Variants in LONP2 observed in about 807,000 individuals in gnomAD.
The protein encoded by LONP2 is lon protease homolog 2, peroxisomal.
LONP2 carries 60 observed loss-of-function variants against 85.6 expected under a neutral mutation model. That is an observed-to-expected ratio of 0.70 (90% confidence interval 0.57 to 0.87). The LOEUF is 0.87. Among genes scored for constraint, LONP2 ranks in the 40% least tolerant of loss-of-function variants. LONP2 has a pLI of 0.00. For synonymous variants in LONP2, 395 were observed against 389.7 expected, an observed-to-expected ratio of 1.01 and a Z score of -0.16; for missense variants, 860 against 1,063.5, an observed-to-expected ratio of 0.81 and a Z score of 2.66.
chr16:48,347,838 T>C (rs1960018228), intron 13 of LONP2, 124 bp downstream of exon 13: 4 of 931,518 alleles, frequency 4.3e-6, no homozygotes, highest in Non-Finnish European at 4.8e-6. Flanking sequence ...TTTGAACCCC[T>C]GTGGAAATCC....
At chr16:48,323,511 C>A (rs949926254) in intron 11 of LONP2, among the ~76,000 whole-genome samples, 4 of 151,966 alleles carry the variant, frequency 2.6e-5, no homozygotes, top group Non-Finnish European at 4.4e-5. Flanking sequence ...AAAAAATTAG[C>A]CAGGTGTGGT....
rs1403838183 is a variant in LONP2, at chr16:48,313,914, C to T, written c.1795+10609C>T. 2.6e-5 allele frequency among the ~76,000 whole-genome samples: 4 copies of T among 152,236 alleles called. No homozygotes were observed. In the East Asian group the frequency reaches 5.8e-4, roughly 22 times the overall value. On this transcript the variant is annotated intron_variant, in intron 11 of 14. Transcript: ENST00000285737. ...TTCCACAATGGTTGAACTAATTAAA[C>T]TCCCACCAACAGTGTAAAAGCATTC...
intron 7 of LONP2, among the ~76,000 whole-genome samples, chr16:48,273,776 ATATAT>A (rs1972151457): frequency 6.6e-6 from 1 of 152,158 alleles, no homozygotes. Context: ...AAAAGAAATA[ATATAT>A]TATTGTTATG....
intron 8 of LONP2, among the ~76,000 whole-genome samples, chr16:48,290,459 G>A (rs1972537085): frequency 6.6e-6 from 1 of 152,090 alleles, no homozygotes; most frequent in Admixed American, 6.6e-5. Flanking sequence ...CCACAAGACT[G>A]CCTCCCCCTT....
At chr16:48,278,286 T>C (rs899818334) in intron 8 of LONP2, among the ~76,000 whole-genome samples, 2 of 152,208 alleles carry the variant, frequency 1.3e-5, no homozygotes, top group Non-Finnish European at 1.5e-5. Context: ...TTTTATCTTC[T>C]TAAGCGTCCG....
rs146324734 is a variant in LONP2, at chr16:48,276,508, G to A, written c.1242-830G>A. ...TAAAATTAGTAAATTGCTGCTTTAA[G>A]TTTTGCTGGCTTTGTAAAAAAGACA... is the stretch of plus-strand genomic sequence containing the variant. On this transcript the variant is annotated intron_variant, in intron 7 of 14. Transcript: ENST00000285737. Among the ~76,000 whole-genome samples the A allele has an allele frequency of 6.1e-3, 922 of 152,274 alleles. 12 individuals are homozygous for A. Among genetic ancestry groups the A allele is most frequent in the African/African-American group, 0.021 (893 of 41,550 alleles).
intron 8 of LONP2, 88 bp downstream of exon 8, chr16:48,277,567 G>T (rs1467417905): frequency 8.5e-6 from 11 of 1,288,252 alleles, no homozygotes; most frequent in Non-Finnish European, 1.2e-5. Flanking sequence ...ATACACAGTG[G>T]TGTAGCTTTA....
chr16:48,355,507 C>G lies in LONP2; in HGVS notation c.*3705C>G, dbSNP rs192710636. ...AATAAATTCGTACTTTTAAATTACC[C>G]AGTCTCAGGTATTCTGTTACGGTTA... On this transcript the variant is annotated 3_prime_UTR_variant, in exon 15 of 15. Coordinates refer to ENST00000285737, the MANE Select transcript of LONP2 (RefSeq NM_031490.5). 6.8e-4 allele frequency: 103 copies of G among 152,286 alleles called. No homozygotes were observed. Among genetic ancestry groups the G allele is most frequent in the African/African-American group, 2.5e-3 (102 of 41,552 alleles). 9.4% of individuals were successfully genotyped at this position (152,286 alleles called of 1,614,324 possible). A position where few individuals can be genotyped will look rare whatever the true frequency, so the allele number is the denominator to read the frequency against.
At chr16:48,351,409 G>T (rs911754168) in intron 14 of LONP2, among the ~76,000 whole-genome samples, 172 bp from the exon 15 acceptor site, 1 of 152,092 alleles carries the variant, frequency 6.6e-6, no homozygotes, top group Non-Finnish European at 1.5e-5. Flanking sequence ...TTAAAAAAAG[G>T]TTACTACTTA....
intron 12 of LONP2, chr16:48,334,579 C>G (rs13338978): frequency 0.16 from 109,905 of 672,946 alleles, 11,048 homozygotes; most frequent in African/African-American, 0.36. Context: ...ACATCATCTT[C>G]TTGCAGTTGT....
chr16:48,321,708 A>C (rs1407436593), intron 11 of LONP2, among the ~76,000 whole-genome samples: 1 of 152,206 alleles, frequency 6.6e-6, no homozygotes, highest in Non-Finnish European at 1.5e-5. Context: ...ATTATAACAG[A>C]GTGGTATTTG....
chr16:48,360,970 G>A (rs138768421), downstream of LONP2: 36 of 151,926 alleles, frequency 2.4e-4, no homozygotes, highest in Admixed American at 7.9e-4. Flanking sequence ...TATTGAACAC[G>A]TTATAAATTT....
chr16:48,312,990 G>C (rs1027477819), intron 11 of LONP2, among the ~76,000 whole-genome samples: 7 of 152,098 alleles, frequency 4.6e-5, no homozygotes, highest in African/African-American at 1.7e-4. Flanking sequence ...TGGGTACTTA[G>C]GGCCTGGGAT....
At chr16:48,267,287 C>T (rs1437199337) in intron 6 of LONP2, among the ~76,000 whole-genome samples, 1 of 152,104 alleles carries the variant, frequency 6.6e-6, no homozygotes, top group East Asian at 1.9e-4. Context: ...GGTTATAAAA[C>T]CATGAAAATG....
At chr16:48,296,545 T>C (rs1256812535) in intron 9 of LONP2, among the ~76,000 whole-genome samples, 1 of 152,080 alleles carries the variant, frequency 6.6e-6, no homozygotes, top group Non-Finnish European at 1.5e-5. Context: ...CTGGCCAACG[T>C]GGTGAAACAC....
intron 12 of LONP2, chr16:48,334,621 C>T (rs772139229): frequency 3.3e-5 from 21 of 626,918 alleles, no homozygotes; most frequent in South Asian, 1.3e-4. Context: ...GGGAAGGCTC[C>T]GTAATGCCAC....
At chr16:48,312,078 T>C (rs1973044020) in intron 11 of LONP2, among the ~76,000 whole-genome samples, 1 of 152,000 alleles carries the variant, frequency 6.6e-6, no homozygotes, top group Admixed American at 6.6e-5. Context: ...GTAGCTGGGA[T>C]TACAAGCGTG....
At chr16:48,336,552 T>A (rs1352587439) in intron 12 of LONP2, 4 of 418,938 alleles carry the variant, frequency 9.5e-6, no homozygotes, top group Non-Finnish European at 1.9e-5. Context: ...TGGGGCCGTT[T>A]CATAGGATTT....
chr16:48,361,265 TC>T, downstream of LONP2: 1 of 287,190 alleles, frequency 3.5e-6, no homozygotes, highest in South Asian at 3.8e-5. Context: ...ACAAACTTTT[TC>T]AACAATACAA....
Sources: gnomAD v4.1 joint callset for allele counts (sites outside exome capture counted in the v4.1 genomes callset) on GRCh38, gnomAD v4.1.1 for gene constraint, MANE v1.5 for transcripts, NCBI Gene and HGNC (gene_info 2026-07-23, HGNC 2026-07-21) for gene names.